RRH: variants seen among roughly 807,000 people sequenced by gnomAD.
RRH encodes the protein retinal pigment epithelium-derived rhodopsin homolog.
Under a neutral mutation model 33.1 loss-of-function variants are expected in RRH, and 36 were observed. That is an observed-to-expected ratio of 1.09 (90% CI 0.83 to 1.44). RRH has a LOEUF of 1.44. RRH is among the 40% of genes most tolerant of loss of function. RRH has a pLI of 0.00. For missense variants in RRH, 393 were observed against 420.2 expected, an observed-to-expected ratio of 0.94 and a Z score of 0.57; for synonymous variants, 124 against 140.2, an observed-to-expected ratio of 0.88 and a Z score of 0.82.
intron 4 of RRH, among the ~76,000 whole-genome samples, chr4:109,837,201 T>C (rs1348445401): frequency 3.3e-5 from 5 of 152,198 alleles, no homozygotes; most frequent in African/African-American, 9.6e-5. Context: ...TAAATGAGGG[T>C]ACATGGCTGT....
chr4:109,839,800 T>C (rs1200080212), intron 5 of RRH, among the ~76,000 whole-genome samples: 1 of 152,228 alleles, frequency 6.6e-6, no homozygotes, highest in Non-Finnish European at 1.5e-5. Context: ...CTCATTCCTT[T>C]ATGGCTGTAT....
chr4:109,840,833 A>T (rs192081201), intron 5 of RRH, among the ~76,000 whole-genome samples: 162 of 152,124 alleles, frequency 1.1e-3, no homozygotes, highest in East Asian at 6.4e-3. Flanking sequence ...TAATGCATTA[A>T]AAATGTTGAT....
At chr4:109,838,329 C>T (rs10021699) in intron 5 of RRH, among the ~76,000 whole-genome samples, 7,391 of 152,184 alleles carry the variant, frequency 0.049, 562 homozygotes, top group African/African-American at 0.16. Context: ...TGAACCTTAT[C>T]CTCTTCTTGG....
Position 109,844,117 on chromosome 4 carries a change from C to A in RRH, c.934C>A (p.Gln312Lys). The change falls in exon 7 of 7, where the codon CAG (glutamine) becomes AAG (lysine). Residue 312 changes from glutamine (Q) to lysine (K), a missense_variant. Coordinates refer to ENST00000317735, the MANE Select transcript of RRH (RefSeq NM_006583.5). Reference sequence around the variant, plus strand: ...GGCAATGCTTGCCATGTTCAAATGTCAGACTCACCAAACAATGCCTGTGAC... The same window carrying A: ...GGCAATGCTTGCCATGTTCAAATGTAAGACTCACCAAACAATGCCTGTGAC... ...RRAMLAMFKC[Q>K]THQTMPVTSI... The A allele has an allele frequency of 1.2e-6, 2 of 1,613,784 alleles. No homozygotes were observed. Among genetic ancestry groups the A allele is most frequent in the South Asian group, 2.2e-5 (2 of 91,038 alleles).
At chr4:109,829,569 G>A (rs181452089) in intron 1 of RRH, among the ~76,000 whole-genome samples, 43 of 152,136 alleles carry the variant, frequency 2.8e-4, no homozygotes, top group African/African-American at 1.0e-3. Flanking sequence ...GTTATCATTT[G>A]AATACTTGCT....
chr4:109,830,647 G>A, intron 1 of RRH, among the ~76,000 whole-genome samples: 1 of 152,122 alleles, frequency 6.6e-6, no homozygotes, highest in East Asian at 1.9e-4. Context: ...CAGTTTGAGA[G>A]GTGTCCAATA....
intron 1 of RRH, among the ~76,000 whole-genome samples, chr4:109,829,677 A>G (rs1021590403): frequency 6.6e-6 from 1 of 152,160 alleles, no homozygotes; most frequent in Admixed American, 6.5e-5. Flanking sequence ...TCTAGTTTAT[A>G]CAGATGAAGA....
chr4:109,837,553 A>G lies in RRH; in HGVS notation c.668A>G (p.Asp223Gly), dbSNP rs763718342. The G allele has an allele frequency of 3.1e-6, 5 of 1,613,980 alleles. No homozygotes were observed. In the South Asian group the frequency reaches 5.5e-5, roughly 18 times the overall value. The change falls in exon 5 of 7, where the codon GAC becomes GGC. Residue 223 changes from aspartate to glycine, a missense_variant. Physicochemically the swap from Asp to Gly is moderately conservative, Grantham distance 94. Transcript: ENST00000317735. Reference sequence around the variant, plus strand: ...TCCATTAAACATCACACTACCAGTGACTGCACTGAGTCCCTCAACAGAGAC... The same window carrying G: ...TCCATTAAACATCACACTACCAGTGGCTGCACTGAGTCCCTCAACAGAGAC... ...TLSIKHHTTS[D>G]CTESLNRDWS...
intron 1 of RRH, among the ~76,000 whole-genome samples, chr4:109,829,551 C>T (rs1317027514): frequency 6.6e-6 from 1 of 152,060 alleles, no homozygotes; most frequent in East Asian, 1.9e-4. Context: ...ACTACTACTG[C>T]TACTAATGTT....
Position 109,835,467 on chromosome 4 carries a change from T to C in RRH, c.397+2T>C. ...TGACCATCTGCCTTCCTGACGTAGG[T>C]ACAACACTTTTCTCAGCTTTCTTAA... On this transcript the variant is annotated splice_donor_variant, in intron 3 of 6. Transcript: ENST00000317735. LOFTEE classifies it high-confidence loss of function. 1 of 1,605,420 alleles carries C rather than the reference T, an allele frequency of 6.2e-7. No individual in the cohort carries two copies. Among genetic ancestry groups the C allele is most frequent in the South Asian group, 1.1e-5 (1 of 90,904 alleles).
rs1030612553 is a variant in RRH at position 109,844,228 on chromosome 4, C to T, written c.*31C>T. ...GATAAAAGGACACACTATCAAAACA[C>T]TTTAGTTTTTTGACAATGCTTTTCT... On this transcript the variant is annotated 3_prime_UTR_variant, in exon 7 of 7. Coordinates refer to ENST00000317735, the MANE Select transcript of RRH (RefSeq NM_006583.5). 6 of 1,396,360 alleles carry T rather than the reference C, an allele frequency of 4.3e-6. No individual in the cohort carries two copies. Among genetic ancestry groups the T allele is most frequent in the Admixed American group, 1.7e-5 (1 of 59,598 alleles). The allele number at this position is 1,396,360 out of a possible 1,614,324, so 86.5% of individuals were successfully genotyped here.
chr4:109,837,475 A>T lies in RRH; in HGVS notation c.590A>T (p.Asn197Ile). 6.2e-7 allele frequency: 1 copy of T among 1,614,044 alleles called. No homozygotes were observed. The highest frequency in any genetic ancestry group is 8.5e-7 in the Non-Finnish European group (1 of 1,179,938). Residue 197 changes from asparagine (N) to isoleucine (I), a missense_variant, in exon 5 of 7, where the codon AAT becomes ATT. Physicochemically the swap from Asn to Ile is moderately radical, Grantham distance 149. Transcript: ENST00000317735. ...VSYTMTVIAI[N>I]FIVPLTVMFY... ...TACACCATGACAGTTATTGCGATAA[A>T]TTTTATTGTGCCCTTGACAGTGATG...
In RRH at chr4:109,842,539, C is replaced by A. The variant is rs769211582; in HGVS notation, c.791C>A (p.Ser264Tyr). The A allele has an allele frequency of 6.2e-7, 1 of 1,614,070 alleles. No individual in the cohort carries two copies. The highest frequency in any genetic ancestry group is 1.6e-4 in the Middle Eastern group (1 of 6,062). Residue 264 changes from serine to tyrosine, a missense_variant, in exon 6 of 7, where the codon TCT becomes TAT. By Grantham distance (144) the Ser-to-Tyr change is moderately radical. Coordinates refer to ENST00000317735, the MANE Select transcript of RRH (RefSeq NM_006583.5). Reference protein sequence around the residue: ...SPYSIVCLWASFGDPKKIPPP... With the variant: ...SPYSIVCLWAYFGDPKKIPPP... ...TATTCCATCGTGTGCTTATGGGCTT[C>A]TTTTGGTGACCCAAAGAAGATTCCT...
In RRH at chr4:109,828,172, G is replaced by A. The variant is rs761223686; in HGVS notation, c.106+39G>A. On this transcript the variant is annotated intron_variant, in intron 1 of 6. Coordinates refer to ENST00000317735, the MANE Select transcript of RRH (RefSeq NM_006583.5). ...AGTAAGTTATTTTTCTTTAGAATGG[G>A]TGAAGAAAGGCAGAAGTTTTCAGCA... is the stretch of plus-strand genomic sequence containing the variant. 22 of 1,375,456 alleles carry A rather than the reference G, an allele frequency of 1.6e-5. No individual in the cohort carries two copies. The South Asian group carries it at 2.3e-4, about 15-fold the overall frequency. 85.2% of individuals were successfully genotyped at this position (1,375,456 alleles called of 1,614,324 possible).
chr4:109,844,015 A>G, intron 6 of RRH, 68 bp from the exon 7 acceptor site: 1 of 1,042,188 alleles, frequency 9.6e-7, no homozygotes, highest in Non-Finnish European at 1.5e-6. Context: ...TCTTAGCCAT[A>G]TTTGAAAATG....
chr4:109,842,765 C>A, intron 6 of RRH, 118 bp downstream of exon 6: 1 of 896,276 alleles, frequency 1.1e-6, no homozygotes, highest in Non-Finnish European at 1.8e-6. Context: ...GGTCATTTGC[C>A]TCATGTGACT....
chr4:109,830,141 G>A (rs1733718789), intron 1 of RRH, among the ~76,000 whole-genome samples: 1 of 152,118 alleles, frequency 6.6e-6, no homozygotes, highest in Non-Finnish European at 1.5e-5. Flanking sequence ...GTGTCCTTGA[G>A]CACTCTCCCT....
At chr4:109,842,788 A>G in intron 6 of RRH, 141 bp downstream of exon 6, 1 of 744,004 alleles carries the variant, frequency 1.3e-6, no homozygotes, top group Non-Finnish European at 2.3e-6. Flanking sequence ...AGCAGCATCT[A>G]GGACCTTAAA....
rs1733880924 is a variant in RRH, at chr4:109,836,132, T to C, written c.523T>C (p.Cys175Arg). ...TGCCCCAGATCCTACTGGTGCTACG[T>C]GTACCATAAACTGGAGGAAAAATGA... ...SYAPDPTGAT[C>R]TINWRKNDRS... The change falls in exon 4 of 7, where the codon TGT (cysteine) becomes CGT (arginine). Residue 175 changes from cysteine (C) to arginine (R), a missense_variant. Physicochemically the swap from Cys to Arg is radical, Grantham distance 180. Transcript: ENST00000317735. 1.9e-6 allele frequency: 3 copies of C among 1,614,186 alleles called. No homozygotes were observed. The East Asian group carries it at 6.7e-5, about 36-fold the overall frequency.
Sources: gnomAD v4.1 joint callset for allele counts (sites outside exome capture counted in the v4.1 genomes callset) on GRCh38, gnomAD v4.1.1 for gene constraint, MANE v1.5 for transcripts, NCBI Gene and HGNC (gene_info 2026-07-23, HGNC 2026-07-21) for gene names.